The following CCSER1 variants were observed in gnomAD, a reference collection of about 807,000 sequenced individuals.
CCSER1 encodes serine-rich coiled-coil domain-containing protein 1.
Under a neutral mutation model 82.0 loss-of-function variants are expected in CCSER1, and 41 were observed. That is an observed-to-expected ratio of 0.50 (90% CI 0.39 to 0.65). The LOEUF is 0.65. Ranked by LOEUF, CCSER1 falls within the 30% of genes least tolerant of loss-of-function variation. CCSER1 has a pLI of 0.00. For missense variants in CCSER1, 1,119 were observed against 1,064.2 expected (o/e 1.05, Z -0.72); for synonymous variants, 414 against 383.9 (o/e 1.08, Z -0.92).
chr4:90,877,516 G>A (rs1435755379), intron 8 of CCSER1, among the ~76,000 whole-genome samples: 2 of 151,950 alleles, frequency 1.3e-5, no homozygotes, highest in Admixed American at 6.6e-5. Context: ...TTTGCCAGTC[G>A]AGGGAACAAT....
intron 3 of CCSER1, among the ~76,000 whole-genome samples, chr4:90,341,384 T>A (rs1188590816): frequency 6.6e-6 from 1 of 152,128 alleles, no homozygotes; most frequent in Non-Finnish European, 1.5e-5. Context: ...AATCAGATTA[T>A]GATGCCTAAC....
At chr4:90,878,726 G>A (rs1386392595) in intron 8 of CCSER1, among the ~76,000 whole-genome samples, 1 of 152,192 alleles carries the variant, frequency 6.6e-6, no homozygotes, top group East Asian at 1.9e-4. Flanking sequence ...TACTCTAGAA[G>A]TGGATGTTCT....
intron 1 of CCSER1, among the ~76,000 whole-genome samples, chr4:90,301,493 G>A (rs1051549239): frequency 6.6e-6 from 1 of 151,824 alleles, no homozygotes; most frequent in Non-Finnish European, 1.5e-5. Context: ...TTTCTAATAG[G>A]GTCTGTATAC....
At chr4:90,443,302 A>C (rs1478811870) in intron 4 of CCSER1, among the ~76,000 whole-genome samples, 1 of 152,058 alleles carries the variant, frequency 6.6e-6, no homozygotes, top group Non-Finnish European at 1.5e-5. Context: ...ATTCTTCTGC[A>C]TTGGGGCCAT....
intron 9 of CCSER1, among the ~76,000 whole-genome samples, chr4:90,991,284 A>C (rs1184651919): frequency 6.6e-6 from 1 of 151,998 alleles, no homozygotes; most frequent in Non-Finnish European, 1.5e-5. Context: ...TAGAGATGAC[A>C]TAACAAATTA....
intron 3 of CCSER1, among the ~76,000 whole-genome samples, chr4:90,333,979 A>T (rs528390371): frequency 5.9e-5 from 9 of 152,272 alleles, no homozygotes; most frequent in African/African-American, 1.9e-4. Context: ...AAATCAAACA[A>T]TTATATAATC....
Position 91,077,799 on chromosome 4 carries a change from C to T in CCSER1, c.2173-8151C>T, listed in dbSNP as rs150512818. Reference sequence around the variant, plus strand: ...CAAACAGCACACCAGGAGATTATATCCCACACCTGGTTCAGAGGGCCCCAT... The same window carrying T: ...CAAACAGCACACCAGGAGATTATATTCCACACCTGGTTCAGAGGGCCCCAT... On this transcript the variant is annotated intron_variant, in intron 9 of 10. Coordinates refer to ENST00000509176, the MANE Select transcript of CCSER1 (RefSeq NM_001145065.2). 9.7e-3 allele frequency among the ~76,000 whole-genome samples: 1,481 copies of T among 152,340 alleles called. 12 individuals are homozygous for T. Among genetic ancestry groups the T allele is most frequent in the Non-Finnish European group, 0.014 (928 of 68,026 alleles).
At chr4:90,498,878 A>G (rs1403137229) in intron 5 of CCSER1, among the ~76,000 whole-genome samples, 2 of 152,160 alleles carry the variant, frequency 1.3e-5, no homozygotes, top group Non-Finnish European at 2.9e-5. Context: ...AACAATTTAA[A>G]TAGAGGCAGA....
chr4:91,379,624 C>G (rs764213249), intron 10 of CCSER1, among the ~76,000 whole-genome samples: 7 of 152,070 alleles, frequency 4.6e-5, no homozygotes, highest in Non-Finnish European at 1.0e-4. Context: ...TTTATTGCAT[C>G]TACTTGATTC....
chr4:90,839,256 TAATA>T (rs1308291157), intron 8 of CCSER1, among the ~76,000 whole-genome samples: 12 of 152,238 alleles, frequency 7.9e-5, no homozygotes, highest in African/African-American at 2.2e-4. Flanking sequence ...TAGTATCATC[TAATA>T]AATGTCTCAG....
chr4:91,288,883 G>C (rs150501912), intron 10 of CCSER1, among the ~76,000 whole-genome samples: 2 of 152,022 alleles, frequency 1.3e-5, no homozygotes, highest in African/African-American at 4.8e-5. Flanking sequence ...AGCCAGGAAC[G>C]TAGTGCCTGC....
chr4:91,323,862 G>A (rs1020033570), intron 10 of CCSER1, among the ~76,000 whole-genome samples: 2 of 152,150 alleles, frequency 1.3e-5, no homozygotes, highest in Admixed American at 1.3e-4. Context: ...CTAAAATCCT[G>A]CATTAGAGGC....
At chr4:90,207,760 T>C (rs1443423107) in intron 1 of CCSER1, among the ~76,000 whole-genome samples, 1 of 152,198 alleles carries the variant, frequency 6.6e-6, no homozygotes, top group Non-Finnish European at 1.5e-5. Flanking sequence ...GCCCCTCTGC[T>C]GCAGGTCTGC....
chr4:90,993,022 C>T (rs527471491), intron 9 of CCSER1, among the ~76,000 whole-genome samples: 1 of 152,132 alleles, frequency 6.6e-6, no homozygotes, highest in African/African-American at 2.4e-5. Flanking sequence ...GTCCACAACC[C>T]TAAGTCTCCT....
chr4:91,283,017 T>G (rs1743033253), intron 10 of CCSER1, among the ~76,000 whole-genome samples: 1 of 152,094 alleles, frequency 6.6e-6, no homozygotes, highest in Non-Finnish European at 1.5e-5. Context: ...TTAAAGATAT[T>G]CTTGTCATTT....
intron 6 of CCSER1, among the ~76,000 whole-genome samples, chr4:90,709,891 A>G (rs951467257): frequency 2.0e-5 from 3 of 151,062 alleles, no homozygotes; most frequent in Non-Finnish European, 4.4e-5. Flanking sequence ...ACTAATTTAC[A>G]CTTCCACCAA....
At chr4:90,457,049 G>T (rs748769620) in intron 4 of CCSER1, among the ~76,000 whole-genome samples, 1 of 152,178 alleles carries the variant, frequency 6.6e-6, no homozygotes, top group Non-Finnish European at 1.5e-5. Flanking sequence ...GTGTGTAAGC[G>T]AGCGATCCCA....
At chr4:90,953,731 A>AAC (rs1047793469) in intron 9 of CCSER1, among the ~76,000 whole-genome samples, 63 of 151,992 alleles carry the variant, frequency 4.1e-4, no homozygotes, top group African/African-American at 1.5e-3. Context: ...GTGTATAGAG[A>AAC]ATTTTGTATT....
At chr4:90,158,739 A>G (rs1728839483) in intron 1 of CCSER1, among the ~76,000 whole-genome samples, 1 of 152,064 alleles carries the variant, frequency 6.6e-6, no homozygotes, top group Non-Finnish European at 1.5e-5. Context: ...AAAAGCGCAG[A>G]ATTAGGGTGG....
Sources: allele counts gnomAD v4.1 joint callset (sites outside exome capture counted in the v4.1 genomes callset), GRCh38; gene constraint gnomAD v4.1.1; transcripts MANE v1.5; gene names NCBI Gene and HGNC (gene_info 2026-07-23, HGNC 2026-07-21).